The following KCTD13 variants were observed in gnomAD, a reference collection of about 807,000 sequenced individuals.
KCTD13 encodes the protein BTB/POZ domain-containing adapter for CUL3-mediated RhoA degradation protein 1.
A neutral mutation model predicts 32.3 loss-of-function variants in KCTD13; 15 were observed. The observed-to-expected ratio is 0.46, with a 90% CI of 0.31 to 0.71. KCTD13 has a LOEUF of 0.71. KCTD13 is among the 30% of genes least tolerant of loss of function. The pLI, the probability that KCTD13 is intolerant of heterozygous loss-of-function variation, is 0.05. For missense variants in KCTD13, 337 were observed against 452.6 expected, an observed-to-expected ratio of 0.74 and a Z score of 2.32; for synonymous variants, 189 against 200.1, an observed-to-expected ratio of 0.94 and a Z score of 0.47.
At chr16:29,923,628 G>A (rs2068949705) in intron 1 of KCTD13, among the ~76,000 whole-genome samples, 1 of 152,130 alleles carries the variant, frequency 6.6e-6, no homozygotes, top group Non-Finnish European at 1.5e-5. Flanking sequence ...TTAGGAGGCT[G>A]AGGCAGGCAG....
chr16:29,907,692 G>A (rs1453723931), intron 5 of KCTD13, among the ~76,000 whole-genome samples: 1 of 152,104 alleles, frequency 6.6e-6, no homozygotes, highest in African/African-American at 2.4e-5. Flanking sequence ...GGAGACTGAG[G>A]TGGGAGGATC....
rs1332086250 is a variant in KCTD13 at position 29,911,018 on chromosome 16, C to T, written c.713G>A (p.Cys238Tyr). The part of the protein sequence containing the change: ...GQGRKIAEVC[C>Y]TSIVYATEKK... ...CTCCGTAGCATAGACAATGGAGGTG[C>T]AGCACACCTCGGCGATTTTGCGGCC... The change falls in exon 5 of 6, where the codon TGC (cysteine) becomes TAC (tyrosine). Residue 238 changes from cysteine to tyrosine, a missense_variant. By Grantham distance (194) the Cys-to-Tyr change is radical (BLOSUM62 -2). Transcript: ENST00000568000. The T allele has an allele frequency of 6.2e-7, 1 of 1,614,118 alleles. No homozygotes were observed. The highest frequency in any genetic ancestry group is 1.7e-5 in the Admixed American group (1 of 60,000).
chr16:29,911,540 G>A (rs1178840249), intron 4 of KCTD13: 7 of 588,200 alleles, frequency 1.2e-5, no homozygotes, highest in African/African-American at 7.5e-5. Context: ...ACCTCAAGGG[G>A]GAGGACTCTG....
intron 2 of KCTD13, among the ~76,000 whole-genome samples, chr16:29,916,691 C>CT (rs2150840206): frequency 6.6e-6 from 1 of 152,300 alleles, no homozygotes; most frequent in East Asian, 1.9e-4. Flanking sequence ...GAGCAAGACT[C>CT]TGTCTCTATT....
At chr16:29,912,229 CCACGGA>C (rs925272396) in intron 2 of KCTD13, 180 bp from the exon 3 acceptor site, 117 of 629,598 alleles carry the variant, frequency 1.9e-4, no homozygotes, top group Non-Finnish European at 2.9e-4. Flanking sequence ...GGCCTTGGTC[CCACGGA>C]CACCTTGCTG....
At chr16:29,918,926 G>A (rs2068860416) in intron 2 of KCTD13, among the ~76,000 whole-genome samples, 1 of 151,408 alleles carries the variant, frequency 6.6e-6, no homozygotes, top group African/African-American at 2.5e-5. Context: ...CCAAAGTGCT[G>A]GGATTACAGG....
chr16:29,923,007 C>T (rs2068938167), intron 2 of KCTD13, 183 bp downstream of exon 2: 1 of 614,052 alleles, frequency 1.6e-6, no homozygotes, highest in East Asian at 2.8e-5. Context: ...TGGCATGAGG[C>T]TGGGGTGGGG....
rs1463981537 is a variant in KCTD13 at position 29,911,902 on chromosome 16, G to A, written c.505-35C>T. ...GAGAGAGGATGGACGAGAGGGGTGA[G>A]GCTGCAGGGAGAGGCCCCCCCAGTG... On this transcript the variant is annotated intron_variant, in intron 3 of 5. Coordinates refer to ENST00000568000, the MANE Select transcript of KCTD13 (RefSeq NM_178863.5). 5.6e-6 allele frequency: 9 copies of A among 1,610,434 alleles called. No individual in the cohort carries two copies. The African/African-American group carries it at 6.7e-5, about 12-fold the overall frequency.
intron 5 of KCTD13, among the ~76,000 whole-genome samples, chr16:29,909,970 G>T (rs910839764): frequency 1.3e-5 from 2 of 151,860 alleles, no homozygotes; most frequent in Admixed American, 6.6e-5. Context: ...ATGGAGGCGG[G>T]TGCCTGTAGT....
At chr16:29,924,238 T>A (rs1007601906) in intron 1 of KCTD13, among the ~76,000 whole-genome samples, 1 of 152,032 alleles carries the variant, frequency 6.6e-6, no homozygotes, top group African/African-American at 2.4e-5. Context: ...AAAGTCTGAA[T>A]ACTGATCTGT....
At chr16:29,908,356 A>G (rs1437843686) in intron 5 of KCTD13, among the ~76,000 whole-genome samples, 1 of 152,126 alleles carries the variant, frequency 6.6e-6, no homozygotes, top group Non-Finnish European at 1.5e-5. Flanking sequence ...CACAGCTCTT[A>G]GCAAACTGTT....
At chr16:29,919,486 C>T (rs369517897) in intron 2 of KCTD13, 49 of 152,260 alleles carry the variant, frequency 3.2e-4, no homozygotes, top group African/African-American at 1.1e-3. Context: ...AACATTATTA[C>T]ATGAAACTAT....
At chr16:29,907,177 G>C in intron 5 of KCTD13, 69 bp from the exon 6 acceptor site, 1 of 1,135,182 alleles carries the variant, frequency 8.8e-7, no homozygotes, top group Non-Finnish European at 1.3e-6. Flanking sequence ...CCCCTGCCTA[G>C]GGCCCCTGCA....
chr16:29,919,074 G>A (rs1359349246), intron 2 of KCTD13, among the ~76,000 whole-genome samples: 6 of 152,194 alleles, frequency 3.9e-5, no homozygotes, highest in South Asian at 2.1e-4. Context: ...GATTATAGGC[G>A]TGAGCCACCG....
intron 2 of KCTD13, among the ~76,000 whole-genome samples, chr16:29,916,693 G>C (rs1487026760): frequency 3.3e-5 from 5 of 152,144 alleles, no homozygotes; most frequent in African/African-American, 1.2e-4. Flanking sequence ...GCAAGACTCT[G>C]TCTCTATTTA....
intron 2 of KCTD13, chr16:29,914,259 G>A (rs1302030904): frequency 6.6e-6 from 1 of 152,030 alleles, no homozygotes; most frequent in Admixed American, 6.6e-5. Context: ...GGCCACCGCT[G>A]GCTCTCAGTG....
rs72170823 is a variant in KCTD13 at position 29,924,174 on chromosome 16, C to CA, written c.245-816dup. ...GGGCAACAAGAGTGAAACTCCATCTCAAAAAAAAAGAAAAGAAAAGAAAAG... is the reference window on the plus strand; with the variant it reads ...GGGCAACAAGAGTGAAACTCCATCTCAAAAAAAAAAGAAAAGAAAAGAAAAG... On this transcript the variant is annotated intron_variant, in intron 1 of 5. Transcript: ENST00000568000. Among the ~76,000 whole-genome samples the CA allele has an allele frequency of 2.9e-3, 421 of 143,560 alleles. 10 individuals are homozygous for CA. Among genetic ancestry groups the CA allele is most frequent in the South Asian group, 0.024 (110 of 4,594 alleles). 94.2% of individuals were successfully genotyped at this position (143,560 alleles called of 152,430 possible). A position where few individuals can be genotyped will look rare whatever the true frequency, so the allele number is the denominator to read the frequency against.
intron 2 of KCTD13, 199 bp from the exon 3 acceptor site, chr16:29,912,248 T>G (rs1176744270): frequency 2.1e-5 from 13 of 608,698 alleles, no homozygotes; most frequent in Non-Finnish European, 3.2e-5. Context: ...CCTTGCTGCT[T>G]CACACATCCA....
At chr16:29,916,687 G>T (rs1229729036) in intron 2 of KCTD13, among the ~76,000 whole-genome samples, 2 of 152,138 alleles carry the variant, frequency 1.3e-5, no homozygotes, top group African/African-American at 4.8e-5. Flanking sequence ...GACAGAGCAA[G>T]ACTCTGTCTC....
Sources: allele counts gnomAD v4.1 joint callset (sites outside exome capture counted in the v4.1 genomes callset), GRCh38; gene constraint gnomAD v4.1.1; transcripts MANE v1.5; gene names NCBI Gene and HGNC (gene_info 2026-07-23, HGNC 2026-07-21).